Variants in FREM3 observed in about 807,000 individuals in gnomAD.
FREM3 encodes the protein FRAS1-related extracellular matrix protein 3.
A neutral mutation model predicts 129.1 loss-of-function variants in FREM3; 105 were observed. That is an observed-to-expected ratio of 0.81 (90% confidence interval 0.69 to 0.96). The LOEUF is 0.96. Ranked by LOEUF, FREM3 falls within the 40% of genes least tolerant of loss-of-function variation. FREM3 has a pLI of 0.00. For synonymous variants in FREM3, 1,014 were observed against 1,044.9 expected, an observed-to-expected ratio of 0.97 and a Z score of 0.57; for missense variants, 2,593 against 2,666.3, an observed-to-expected ratio of 0.97 and a Z score of 0.61.
chr4:143,627,941 C>A, intron 2 of FREM3, among the ~76,000 whole-genome samples, 181 bp from the exon 3 acceptor site: 1 of 152,102 alleles, frequency 6.6e-6, no homozygotes, highest in East Asian at 1.9e-4. Flanking sequence ...TCATGAGTGG[C>A]ATCTTAAGCC....
intron 2 of FREM3, among the ~76,000 whole-genome samples, chr4:143,668,665 A>G (rs893040197): frequency 1.3e-5 from 2 of 152,202 alleles, no homozygotes; most frequent in African/African-American, 2.4e-5. Context: ...TGTGCCTTTC[A>G]TGTTTTACTA....
Position 143,696,443 on chromosome 4 carries a change from T to A in FREM3, c.4233A>T (p.Thr1411=). 1 of 1,537,698 alleles carries A rather than the reference T, an allele frequency of 6.5e-7. No individual in the cohort carries two copies. Among genetic ancestry groups the A allele is most frequent in the Non-Finnish European group, 8.7e-7 (1 of 1,147,010 alleles). ...CAATGGTGACATAGAAGTAGTGGTC[T>A]GTCAAAGTGTTAACCCCATCAGTAA... The part of the protein sequence containing the change: ...FDVTDGVNTL[T]DHYFYVTIGN... The change falls in exon 1 of 8, where the codon ACA becomes ACT. Residue 1411 remains threonine (T), a synonymous_variant. Transcript: ENST00000329798.
At chr4:143,681,642 C>G (rs1192217896) in intron 2 of FREM3, among the ~76,000 whole-genome samples, 1 of 152,126 alleles carries the variant, frequency 6.6e-6, no homozygotes, top group Non-Finnish European at 1.5e-5. Flanking sequence ...ACACATAAAT[C>G]CACCACATTG....
At position 143,674,004 on chromosome 4, in the gene FREM3, G is replaced by C. The variant is rs189696712; in HGVS notation, c.5275+19109C>G. ...GTGCCCTCTGTCACAGCTTTGCTTG[G>C]CTAGGAAAAGGAATTCCCTGACCCC... On this transcript the variant is annotated intron_variant, in intron 2 of 7. Transcript: ENST00000329798. Among the ~76,000 whole-genome samples, 73 of 152,368 alleles carry C rather than the reference G, an allele frequency of 4.8e-4. No homozygotes were observed. The East Asian group carries it at 0.011, about 23-fold the overall frequency.
chr4:143,672,587 G>T (rs1376703840), intron 2 of FREM3, among the ~76,000 whole-genome samples: 3 of 152,036 alleles, frequency 2.0e-5, no homozygotes, highest in Non-Finnish European at 4.4e-5. Flanking sequence ...TGCTCTTCTC[G>T]AGGAGTATCT....
intron 2 of FREM3, among the ~76,000 whole-genome samples, chr4:143,660,591 T>A (rs1212564209): frequency 6.6e-6 from 1 of 152,196 alleles, no homozygotes; most frequent in East Asian, 1.9e-4. Context: ...CCATGTGAAC[T>A]TTAAAGTAGT....
chr4:143,635,932 G>T (rs1404627537), intron 2 of FREM3, among the ~76,000 whole-genome samples: 1 of 152,058 alleles, frequency 6.6e-6, no homozygotes. Context: ...AGGTTGTCAG[G>T]TTCAGTTGGC....
intron 2 of FREM3, among the ~76,000 whole-genome samples, chr4:143,660,037 G>A (rs1305632985): frequency 6.7e-6 from 1 of 148,680 alleles, no homozygotes; most frequent in Non-Finnish European, 1.5e-5. Context: ...TAGGTTGCCT[G>A]TTCACTCTGA....
intron 2 of FREM3, among the ~76,000 whole-genome samples, chr4:143,673,910 C>T (rs1740054458): frequency 6.6e-6 from 1 of 152,244 alleles, no homozygotes; most frequent in African/African-American, 2.4e-5. Flanking sequence ...GATATAATCT[C>T]CTGGTGTGCC....
At chr4:143,617,971 A>C (rs772300403) in intron 5 of FREM3, among the ~76,000 whole-genome samples, 1 of 152,210 alleles carries the variant, frequency 6.6e-6, no homozygotes, top group Non-Finnish European at 1.5e-5. Context: ...TCTACAACCA[A>C]AGTGTCCAGC....
intron 2 of FREM3, among the ~76,000 whole-genome samples, chr4:143,674,996 A>G (rs1740082267): frequency 6.6e-6 from 1 of 152,368 alleles, no homozygotes; most frequent in South Asian, 2.1e-4. Context: ...AAGAAAGTTA[A>G]CAAGGATATC....
At position 143,663,036 on chromosome 4, in the gene FREM3, C is replaced by T. The variant is rs191796632; in HGVS notation, c.5275+30077G>A. Among the ~76,000 whole-genome samples the T allele has an allele frequency of 5.3e-4, 80 of 152,144 alleles. 2 individuals are homozygous for T. Among genetic ancestry groups the T allele is most frequent in the Admixed American group, 8.5e-4 (13 of 15,278 alleles). On this transcript the variant is annotated intron_variant, in intron 2 of 7. Coordinates refer to ENST00000329798, the MANE Select transcript of FREM3 (RefSeq NM_001168235.2). ...CACTGATGGGTCTTGACTCTTTATC[C>T]GATTTGCCACTCTGCGTCTTTTAAT... is the stretch of plus-strand genomic sequence containing the variant.
intron 1 of FREM3, among the ~76,000 whole-genome samples, chr4:143,693,510 T>C (rs944021301): frequency 6.6e-6 from 1 of 152,198 alleles, no homozygotes; most frequent in Non-Finnish European, 1.5e-5. Context: ...GGAGTGTAAA[T>C]TAGTTCCACC....
At chr4:143,584,010 A>G (rs1738193259) in intron 7 of FREM3, among the ~76,000 whole-genome samples, 1 of 152,256 alleles carries the variant, frequency 6.6e-6, no homozygotes. Flanking sequence ...AAGGCCACAG[A>G]GTTGCAAGTT....
At chr4:143,608,041 G>A (rs983224481) in intron 6 of FREM3, among the ~76,000 whole-genome samples, 4 of 152,034 alleles carry the variant, frequency 2.6e-5, no homozygotes, top group Non-Finnish European at 5.9e-5. Context: ...TTTTCTCTGT[G>A]ATCCTCTTGC....
intron 2 of FREM3, among the ~76,000 whole-genome samples, chr4:143,660,185 A>T (rs1411584475): frequency 6.7e-6 from 1 of 148,490 alleles, no homozygotes. Flanking sequence ...GGTAATGCCT[A>T]GGTTTTCTTC....
intron 3 of FREM3, among the ~76,000 whole-genome samples, 188 bp downstream of exon 3, chr4:143,627,426 T>C (rs943522035): frequency 6.6e-6 from 1 of 152,164 alleles, no homozygotes; most frequent in African/African-American, 2.4e-5. Context: ...ATGATAAAAA[T>C]TGATACATAT....
chr4:143,676,385 C>T (rs904499075), intron 2 of FREM3, among the ~76,000 whole-genome samples: 9 of 152,266 alleles, frequency 5.9e-5, no homozygotes, highest in African/African-American at 9.6e-5. Context: ...ATTGTTAGGA[C>T]GTATCTCAAA....
intron 6 of FREM3, among the ~76,000 whole-genome samples, chr4:143,589,052 G>A (rs1031641520): frequency 2.0e-5 from 3 of 152,150 alleles, no homozygotes; most frequent in South Asian, 4.1e-4. Context: ...CTTTTGAGAA[G>A]TGTCTGTTCA....
Sources: allele counts gnomAD v4.1 joint callset (sites outside exome capture counted in the v4.1 genomes callset), GRCh38; gene constraint gnomAD v4.1.1; transcripts MANE v1.5; gene names NCBI Gene and HGNC (gene_info 2026-07-23, HGNC 2026-07-21).